PCDH11X: variants seen among roughly 807,000 people sequenced by gnomAD.
The protein encoded by PCDH11X is protocadherin 11 X-linked, also known as protocadherin-11 X-linked.
PCDH11X carries 18 observed loss-of-function variants against 53.3 expected under a neutral mutation model. The ratio of observed to expected loss-of-function variants is 0.34; its 90% CI spans 0.23 to 0.50. The LOEUF is 0.50. Ranked by LOEUF, PCDH11X falls within the 20% of genes least tolerant of loss-of-function variation. The pLI, the probability that PCDH11X is intolerant of heterozygous loss-of-function variation, is 0.98. For missense variants in PCDH11X, 570 were observed against 1,032.4 expected (o/e 0.55, Z 6.14); for synonymous variants, 279 against 393.3 (o/e 0.71, Z 3.44).
At chrX:92,505,195 A>T (rs1045173286) in intron 10 of PCDH11X, among the ~76,000 whole-genome samples, 10 of 27,122 alleles carry the variant, frequency 3.7e-4, no homozygotes, top group African/African-American at 1.1e-3. Flanking sequence ...GATGCACTTT[A>T]GTTTAATTAA....
chrX:92,226,738 G>C (rs1002742534), intron 7 of PCDH11X, among the ~76,000 whole-genome samples: 1 of 110,722 alleles, frequency 9.0e-6, no homozygotes, highest in Non-Finnish European at 1.9e-5. Context: ...GCTGCCAGAC[G>C]GGAGGGCAGG....
At chrX:92,194,206 A>G (rs2066252322) in intron 6 of PCDH11X, among the ~76,000 whole-genome samples, 1 of 111,926 alleles carries the variant, frequency 8.9e-6, no homozygotes, top group Admixed American at 9.6e-5. Flanking sequence ...TTGAGGAGTA[A>G]TCTTGAGCGA....
At chrX:92,529,460 A>G (rs1160194864) in intron 10 of PCDH11X, among the ~76,000 whole-genome samples, 1 of 110,288 alleles carries the variant, frequency 9.1e-6, no homozygotes, top group Non-Finnish European at 1.9e-5. Context: ...GTAATGCTAT[A>G]TAGCGTTCAC....
chrX:92,148,012 TTTC>T (rs2065327885), intron 6 of PCDH11X, among the ~76,000 whole-genome samples: 1 of 85,138 alleles, frequency 1.2e-5, no homozygotes, highest in African/African-American at 4.9e-5. Context: ...TTTCTTTTTC[TTTC>T]CTTCCTTCCT....
intron 6 of PCDH11X, among the ~76,000 whole-genome samples, chrX:92,053,153 T>G (rs768294383): frequency 4.5e-5 from 5 of 111,492 alleles, no homozygotes; most frequent in African/African-American, 1.6e-4. Context: ...TAGAAAAAAT[T>G]TTATTACATT....
intron 6 of PCDH11X, among the ~76,000 whole-genome samples, chrX:91,962,182 A>G (rs976038626): frequency 9.2e-6 from 1 of 108,399 alleles, no homozygotes; most frequent in Non-Finnish European, 1.9e-5. Context: ...TATTAAACCA[A>G]AAGTCCATGT....
intron 4 of PCDH11X, among the ~76,000 whole-genome samples, chrX:91,832,834 T>G (rs1361951863): frequency 9.0e-6 from 1 of 110,738 alleles, no homozygotes; most frequent in Non-Finnish European, 1.9e-5. Flanking sequence ...AATTCAAGGT[T>G]GTTTTATCTT....
intron 10 of PCDH11X, among the ~76,000 whole-genome samples, chrX:92,588,328 T>C (rs1471509653): frequency 4.9e-5 from 5 of 101,527 alleles, no homozygotes. Flanking sequence ...TTAAAATTGA[T>C]TTACTAGTGG....
At chrX:92,176,677 A>G (rs908535065) in intron 6 of PCDH11X, among the ~76,000 whole-genome samples, 3 of 112,110 alleles carry the variant, frequency 2.7e-5, no homozygotes, top group East Asian at 5.6e-4. Context: ...CCAGAATACT[A>G]TAAGCATACC....
intron 7 of PCDH11X, among the ~76,000 whole-genome samples, chrX:92,206,282 A>G: frequency 8.9e-6 from 1 of 111,746 alleles, no homozygotes; most frequent in East Asian, 2.8e-4. Context: ...TCATGAATAA[A>G]CTTTTATGGT....
chrX:92,489,257 C>G (rs904618180), intron 10 of PCDH11X, among the ~76,000 whole-genome samples: 2 of 108,955 alleles, frequency 1.8e-5, no homozygotes, highest in African/African-American at 6.7e-5. Context: ...CTGCTTTACT[C>G]CTATGTCCAA....
At chrX:91,809,903 C>T (rs2147558225) in intron 2 of PCDH11X, among the ~76,000 whole-genome samples, 1 of 110,786 alleles carries the variant, frequency 9.0e-6, no homozygotes, top group Non-Finnish European at 1.9e-5. Flanking sequence ...TTACCACTTC[C>T]CATATAAAAA....
rs183574109 is a variant in PCDH11X at position 92,273,090 on chromosome X, C to T, written c.3144+9947C>T. ...TTATGTTCTGGTGGTCTCTTTCATG[C>T]GCATCCATGTGAAGAGACCACCAAA... is the stretch of plus-strand genomic sequence containing the variant. On this transcript the variant is annotated intron_variant, in intron 8 of 10. Transcript: ENST00000682573. Among the ~76,000 whole-genome samples the T allele has an allele frequency of 2.8e-4, 31 of 111,558 alleles. No individual in the cohort carries two copies. In the East Asian group the frequency reaches 5.4e-3, roughly 19 times the overall value.
chrX:92,399,118 T>G (rs187575876), intron 9 of PCDH11X, among the ~76,000 whole-genome samples: 1,372 of 105,157 alleles, frequency 0.013, 26 homozygotes, highest in African/African-American at 0.046. Context: ...GCATGAACCC[T>G]GGAGGCGGAG....
intron 6 of PCDH11X, among the ~76,000 whole-genome samples, chrX:92,075,114 G>T (rs1030897539): frequency 1.3e-4 from 14 of 109,420 alleles, no homozygotes; most frequent in Non-Finnish European, 2.7e-4. Context: ...TACACAGAGG[G>T]ATTGTGTTCT....
At chrX:92,467,144 T>A (rs914198698) in intron 9 of PCDH11X, among the ~76,000 whole-genome samples, 17 of 111,086 alleles carry the variant, frequency 1.5e-4, no homozygotes, top group South Asian at 7.4e-4. Context: ...TTTAAAAAAA[T>A]TTTATACTTC....
intron 10 of PCDH11X, among the ~76,000 whole-genome samples, chrX:92,520,195 A>T (rs1403304064): frequency 9.2e-6 from 1 of 108,836 alleles, no homozygotes; most frequent in Non-Finnish European, 1.9e-5. Flanking sequence ...ATTGCAATAA[A>T]GTGAAATACT....
chrX:92,449,322 T>C (rs1276437569), intron 9 of PCDH11X, among the ~76,000 whole-genome samples: 11 of 111,955 alleles, frequency 9.8e-5, no homozygotes, highest in Non-Finnish European at 1.9e-4. Context: ...GTATTAGAAA[T>C]TGTAATAAAC....
In PCDH11X at chrX:92,326,691, G is replaced by A. The variant is rs368890795; in HGVS notation, c.3145-61044G>A. 3.5e-4 allele frequency among the ~76,000 whole-genome samples: 24 copies of A among 68,597 alleles called. 1 individual carries two copies. The East Asian group carries it at 0.014, about 39-fold the overall frequency. 59.6% of individuals were successfully genotyped at this position (68,597 alleles called of 115,157 possible). On this transcript the variant is annotated intron_variant, in intron 8 of 10. Transcript: ENST00000682573. Reference sequence around the variant, plus strand: ...AGAGACAGTGGAAAATAAAATGATAGAACAGTTGATGAAATGCCACTTAGG... The same window carrying A: ...AGAGACAGTGGAAAATAAAATGATAAAACAGTTGATGAAATGCCACTTAGG...
Sources: allele counts gnomAD v4.1 joint callset (sites outside exome capture counted in the v4.1 genomes callset), GRCh38; gene constraint gnomAD v4.1.1; transcripts MANE v1.5; gene names NCBI Gene and HGNC (gene_info 2026-07-23, HGNC 2026-07-21).